The following LPGAT1 variants were observed in gnomAD, a reference collection of about 807,000 sequenced individuals.
LPGAT1 encodes the protein lysophosphatidylglycerol acyltransferase 1.
In LPGAT1, 11 loss-of-function variants were observed where a neutral mutation model predicts 47.5. The ratio of observed to expected loss-of-function variants is 0.23; its 90% CI spans 0.15 to 0.38. LPGAT1 has a LOEUF of 0.38. Ranked by LOEUF, LPGAT1 falls within the 10% of genes least tolerant of loss-of-function variation. The probability of loss-of-function intolerance (pLI) is 1.00; values close to 1 mark genes in which losing one functional copy is unlikely to be tolerated. For missense variants in LPGAT1, 293 were observed against 439.0 expected (o/e 0.67, Z 2.97); for synonymous variants, 138 against 144.2 (o/e 0.96, Z 0.31).
At chr1:211,766,033 A>G (rs1320979417) in intron 6 of LPGAT1, among the ~76,000 whole-genome samples, 1 of 152,156 alleles carries the variant, frequency 6.6e-6, no homozygotes, top group East Asian at 1.9e-4. Flanking sequence ...GAGCTGGGCC[A>G]TACATCTTCT....
chr1:211,768,223 A>T (rs72746513), intron 6 of LPGAT1, among the ~76,000 whole-genome samples: 12,720 of 152,282 alleles, frequency 0.084, 656 homozygotes, highest in Admixed American at 0.15. Flanking sequence ...TGCATTTGAA[A>T]TGTGAGCTTA....
chr1:211,746,715 T>A lies in LPGAT1; in HGVS notation c.*3184A>T, dbSNP rs1656959394. On this transcript the variant is annotated 3_prime_UTR_variant, in exon 8 of 8. Transcript: ENST00000366997. Reference sequence around the variant, plus strand: ...AGCTATCTTCTTTTTTAATATACTTTTGGAATTCTCAGTGAATTTGTTTGC... The same window carrying A: ...AGCTATCTTCTTTTTTAATATACTTATGGAATTCTCAGTGAATTTGTTTGC... The A allele has an allele frequency of 6.6e-6, 1 of 152,238 alleles. No homozygotes were observed. Among genetic ancestry groups the A allele is most frequent in the Non-Finnish European group, 1.5e-5 (1 of 68,040 alleles). 9.4% of individuals were successfully genotyped at this position (152,238 alleles called of 1,614,324 possible).
chr1:211,829,167 G>T lies in LPGAT1; in HGVS notation c.130C>A (p.Gln44Lys), dbSNP rs1660636430. The change falls in exon 2 of 8, where the codon CAG becomes AAG. Residue 44 changes from glutamine to lysine, a missense_variant. Transcript: ENST00000366997. ...TTACTGTCCAGCACTCGAAGGGGCTGAAGTATAATTACATAGCAGATGTAG... is the reference window on the plus strand; with the variant it reads ...TTACTGTCCAGCACTCGAAGGGGCTTAAGTATAATTACATAGCAGATGTAG... The part of the protein sequence containing the change: ...PSYICYVIIL[Q>K]PLRVLDSKRF... 1.9e-6 allele frequency: 3 copies of T among 1,614,146 alleles called. No homozygotes were observed. Among genetic ancestry groups the T allele is most frequent in the Non-Finnish European group, 2.5e-6 (3 of 1,180,022 alleles).
chr1:211,804,476 CA>C, intron 2 of LPGAT1, among the ~76,000 whole-genome samples: 1 of 152,120 alleles, frequency 6.6e-6, no homozygotes, highest in Middle Eastern at 3.4e-3. Context: ...AAAATTACCC[CA>C]AATCTCACTA....
intron 6 of LPGAT1, 60 bp downstream of exon 6, chr1:211,778,858 T>C (rs1658519664): frequency 3.1e-6 from 4 of 1,311,138 alleles, no homozygotes; most frequent in Middle Eastern, 2.3e-4. Flanking sequence ...ATTAAGACAT[T>C]CATACTATTC....
chr1:211,769,953 C>T (rs138466699), intron 6 of LPGAT1, among the ~76,000 whole-genome samples: 89 of 152,252 alleles, frequency 5.8e-4, no homozygotes, highest in African/African-American at 2.0e-3. Flanking sequence ...CCAGCCCCTA[C>T]TCAAGATGGA....
At chr1:211,829,601 C>G in intron 1 of LPGAT1, 1 of 1,204,166 alleles carries the variant, frequency 8.3e-7, no homozygotes, top group Non-Finnish European at 1.0e-6. Flanking sequence ...AATCGGTGGC[C>G]GTCCCCGCAC....
intron 6 of LPGAT1, among the ~76,000 whole-genome samples, chr1:211,757,866 C>T (rs1370605337): frequency 6.6e-5 from 10 of 152,176 alleles, no homozygotes; most frequent in Admixed American, 2.6e-4. Context: ...TTTATTGCCT[C>T]CTCTTTGTGC....
intron 3 of LPGAT1, among the ~76,000 whole-genome samples, chr1:211,791,082 C>A (rs1230760176): frequency 7.1e-6 from 1 of 140,492 alleles, no homozygotes; most frequent in African/African-American, 2.7e-5. Context: ...ATACTCTTAA[C>A]AATTCAAGAT....
In LPGAT1 at chr1:211,793,153, T is replaced by G; in HGVS notation, c.276A>C (p.Lys92Asn). ...EWGEDIKAVS[K>N]DEAVMLVNHQ... is the part of the protein sequence containing the mutation. The stretch of plus-strand genomic sequence containing the variant: ...GATTCACCAACATCACTGCTTCATC[T>G]TTTGAAACTGCTTTAATATCTTCTC... The change falls in exon 3 of 8, where the codon AAA (lysine) becomes AAC (asparagine). Residue 92 changes from lysine to asparagine, a missense_variant. Coordinates refer to ENST00000366997, the MANE Select transcript of LPGAT1 (RefSeq NM_014873.3). 4 of 1,611,658 alleles carry G rather than the reference T, an allele frequency of 2.5e-6. No individual in the cohort carries two copies. The highest frequency in any genetic ancestry group is 3.4e-6 in the Non-Finnish European group (4 of 1,178,844).
intron 2 of LPGAT1, among the ~76,000 whole-genome samples, chr1:211,796,210 T>C (rs969307305): frequency 6.6e-6 from 1 of 152,170 alleles, no homozygotes; most frequent in African/African-American, 2.4e-5. Context: ...AAAACATAAA[T>C]TGAATTTGGA....
intron 2 of LPGAT1, among the ~76,000 whole-genome samples, chr1:211,818,023 C>G (rs373372840): frequency 6.6e-6 from 1 of 151,942 alleles, no homozygotes; most frequent in Non-Finnish European, 1.5e-5. Context: ...TTAGCAGAGA[C>G]GGGTTTTCAC....
At chr1:211,815,717 C>T (rs1483454033) in intron 2 of LPGAT1, among the ~76,000 whole-genome samples, 1 of 151,948 alleles carries the variant, frequency 6.6e-6, no homozygotes, top group Admixed American at 6.6e-5. Context: ...CCCTCACTCC[C>T]TCCCTGCTGC....
rs953247982 is a variant in LPGAT1, at chr1:211,788,961, C to T, written c.358-1234G>A. Among the ~76,000 whole-genome samples, 4 of 152,284 alleles carry T rather than the reference C, an allele frequency of 2.6e-5. No individual in the cohort carries two copies. The Middle Eastern group carries it at 0.01, about 388-fold the overall frequency. ...TTTATAAAAGCATTATAAAAGCCCA[C>T]AGATGATATAATATTACAGCTTCTG... On this transcript the variant is annotated intron_variant, in intron 3 of 7. Transcript: ENST00000366997.
At chr1:211,817,616 G>C (rs993281842) in intron 2 of LPGAT1, among the ~76,000 whole-genome samples, 2 of 151,674 alleles carry the variant, frequency 1.3e-5, no homozygotes, top group African/African-American at 4.8e-5. Flanking sequence ...CTAGATTTTA[G>C]ATAATTATAT....
At chr1:211,750,859 G>A in intron 7 of LPGAT1, 102 bp downstream of exon 7, 2 of 786,414 alleles carry the variant, frequency 2.5e-6, no homozygotes, top group South Asian at 3.5e-5. Flanking sequence ...TTTACAGAGT[G>A]CATTTTCAAG....
intron 5 of LPGAT1, among the ~76,000 whole-genome samples, chr1:211,781,068 T>C (rs953389091): frequency 1.3e-5 from 2 of 152,136 alleles, no homozygotes; most frequent in African/African-American, 4.8e-5. Flanking sequence ...ATACATGGCA[T>C]AAAATGCTAG....
rs61831160 is a variant in LPGAT1, at chr1:211,749,809, A to G, written c.*90T>C. 47 of 1,327,888 alleles carry G rather than the reference A, an allele frequency of 3.5e-5. No homozygotes were observed. Among genetic ancestry groups the G allele is most frequent in the Non-Finnish European group, 4.9e-5 (46 of 947,702 alleles). 82.3% of individuals were successfully genotyped at this position (1,327,888 alleles called of 1,614,324 possible). On this transcript the variant is annotated 3_prime_UTR_variant, in exon 8 of 8. Transcript: ENST00000366997. ...TTGAATTTCTTTTGCTTTTTTTTAA[A>G]TATATTCTGATTTGCACATGTAAAA...
rs1288268433 is a variant in LPGAT1 at position 211,799,412 on chromosome 1, C to T, written c.239-6222G>A. ...TCCAAATATGCAGATAGTATCATCC[C>T]CAATATGCAAATGAGGAAAATGAGG... On this transcript the variant is annotated intron_variant, in intron 2 of 7. Coordinates refer to ENST00000366997, the MANE Select transcript of LPGAT1 (RefSeq NM_014873.3). Among the ~76,000 whole-genome samples, 4 of 152,024 alleles carry T rather than the reference C, an allele frequency of 2.6e-5. No homozygotes were observed. In the South Asian group the frequency reaches 6.2e-4, roughly 24 times the overall value.
Sources: allele counts gnomAD v4.1 joint callset (sites outside exome capture counted in the v4.1 genomes callset), GRCh38; gene constraint gnomAD v4.1.1; transcripts MANE v1.5; gene names NCBI Gene and HGNC (gene_info 2026-07-23, HGNC 2026-07-21).